Variants in TDRD6 observed in about 807,000 individuals in gnomAD.
TDRD6 encodes the protein tudor domain-containing protein 6.
TDRD6 carries 186 observed loss-of-function variants against 157.5 expected under a neutral mutation model. The ratio of observed to expected loss-of-function variants is 1.18; its 90% CI spans 1.05 to 1.33. TDRD6 has a LOEUF of 1.33. Ranked by LOEUF, TDRD6 falls within the 40% of genes most tolerant of loss-of-function variation. The pLI is 0.00. For missense variants in TDRD6, 3,066 were observed against 2,508.0 expected, an observed-to-expected ratio of 1.22 and a Z score of -4.75; for synonymous variants, 1,075 against 945.2, an observed-to-expected ratio of 1.14 and a Z score of -2.52.
At chr6:46,698,963 A>G (rs1280083244) in intron 3 of TDRD6, among the ~76,000 whole-genome samples, 1 of 152,190 alleles carries the variant, frequency 6.6e-6, no homozygotes. Context: ...CAGGTCTTCC[A>G]GGTACATAAG....
In TDRD6 at chr6:46,691,419, A is replaced by T. The variant is rs1349664766; in HGVS notation, c.3291A>T (p.Arg1097Ser). Reference protein sequence around the residue: ...DVLLLPMQAVRCSLSDIPDHI... With the variant: ...DVLLLPMQAVSCSLSDIPDHI... The stretch of plus-strand genomic sequence containing the variant: ...TACTTTTGCCCATGCAAGCTGTCAG[A>T]TGTTCATTATCTGATATTCCTGATC... Residue 1097 changes from arginine to serine, a missense_variant, in exon 1 of 4, where the codon AGA becomes AGT. Coordinates refer to ENST00000316081, the MANE Select transcript of TDRD6 (RefSeq NM_001010870.3). 2 of 1,614,060 alleles carry T rather than the reference A, an allele frequency of 1.2e-6. No individual in the cohort carries two copies. Among genetic ancestry groups the T allele is most frequent in the Non-Finnish European group, 1.7e-6 (2 of 1,179,958 alleles).
In TDRD6 at chr6:46,692,352, T is replaced by G. The variant is rs372296503; in HGVS notation, c.4224T>G (p.Asn1408Lys). 42 of 1,614,110 alleles carry G rather than the reference T, an allele frequency of 2.6e-5. No homozygotes were observed. The highest frequency in any genetic ancestry group is 3.4e-5 in the Non-Finnish European group (40 of 1,180,040). ...TNKIGRLDLV[N>K]AILPGLCIHC... ...AAATAGGTAGGCTTGACCTTGTTAA[T>G]GCAATATTGCCGGGGTTGTGCATTC... The change falls in exon 1 of 4, where the codon AAT becomes AAG. Residue 1408 changes from asparagine (N) to lysine (K), a missense_variant. Coordinates refer to ENST00000316081, the MANE Select transcript of TDRD6 (RefSeq NM_001010870.3).
rs867643913 is a variant in TDRD6, at chr6:46,689,200, A to C, written c.1072A>C (p.Ser358Arg). ...YGRKELVSCS[S>R]LRYLLPEYFR... ...AAGGAAGGAGTTAGTGAGTTGCAGC[A>C]GCCTTCGGTACTTGCTGCCTGAATA... Residue 358 changes from serine (S) to arginine (R), a missense_variant, in exon 1 of 4, where the codon AGC becomes CGC. Transcript: ENST00000316081. The C allele has an allele frequency of 1.9e-6, 3 of 1,614,176 alleles. No homozygotes were observed. Among genetic ancestry groups the C allele is most frequent in the African/African-American group, 2.7e-5 (2 of 75,048 alleles).
chr6:46,692,451 G>T lies in TDRD6; in HGVS notation c.4323G>T (p.Arg1441=). ...AAATGATGCATTACTTTTCCCAACG[G>T]ACCAGCGAGGCTGCAATAAGATGTG... is the stretch of plus-strand genomic sequence containing the variant. ...SKKMMHYFSQ[R]TSEAAIRCEF... is the part of the protein sequence containing the mutation. Residue 1441 remains arginine, a synonymous_variant, in exon 1 of 4, where the codon CGG becomes CGT. Coordinates refer to ENST00000316081, the MANE Select transcript of TDRD6 (RefSeq NM_001010870.3). The T allele has an allele frequency of 6.2e-7, 1 of 1,613,904 alleles. No homozygotes were observed. The highest frequency in any genetic ancestry group is 1.1e-5 in the South Asian group (1 of 91,060).
Position 46,687,982 on chromosome 6 carries a change from G to T in TDRD6, c.-147G>T. The T allele has an allele frequency of 7.8e-7, 1 of 1,287,264 alleles. No homozygotes were observed. Among genetic ancestry groups the T allele is most frequent in the Non-Finnish European group, 1.0e-6 (1 of 992,842 alleles). The allele number at this position is 1,287,264 out of a possible 1,614,324, so 79.7% of individuals were successfully genotyped here. On this transcript the variant is annotated 5_prime_UTR_variant, in exon 1 of 4. Coordinates refer to ENST00000316081, the MANE Select transcript of TDRD6 (RefSeq NM_001010870.3). ...GGACCCTCGACGGGGGAGTTGCCGA[G>T]AAAAGGCCTCGCCGGCATTCTTCCC...
Position 46,692,649 on chromosome 6 carries a change from T to G in TDRD6, c.4521T>G (p.Thr1507=). 3.7e-6 allele frequency: 6 copies of G among 1,613,486 alleles called. No individual in the cohort carries two copies. Among genetic ancestry groups the G allele is most frequent in the Non-Finnish European group, 5.1e-6 (6 of 1,179,858 alleles). The change falls in exon 1 of 4, where the codon ACT becomes ACG. Residue 1507 remains threonine, a synonymous_variant. Transcript: ENST00000316081. ...CTGTTAACAAATCAGACATTGACAC[T>G]TCAGTATTTCTTAACTGGTATAATC... ...SKSVNKSDID[T]SVFLNWYNPE...
Position 46,688,143 on chromosome 6 carries a change from C to T in TDRD6, c.15C>T (p.Pro5=). 1.3e-6 allele frequency: 2 copies of T among 1,540,042 alleles called. No homozygotes were observed. The highest frequency in any genetic ancestry group is 1.7e-6 in the Non-Finnish European group (2 of 1,150,014). Residue 5 remains proline (P), a synonymous_variant, in exon 1 of 4, where the codon CCC becomes CCT. Coordinates refer to ENST00000316081, the MANE Select transcript of TDRD6 (RefSeq NM_001010870.3). ...GCGCCGTCAAGATGTGCTCGACGCCCGGAATGCCGGCGCCGGGGGCCTCGC... is the reference window on the plus strand; with the variant it reads ...GCGCCGTCAAGATGTGCTCGACGCCTGGAATGCCGGCGCCGGGGGCCTCGC... MCST[P]GMPAPGASLA... is the part of the protein sequence containing the mutation.
At chr6:46,696,526 T>TATATGTA (rs1491326189) in intron 2 of TDRD6, among the ~76,000 whole-genome samples, 32 of 139,858 alleles carry the variant, frequency 2.3e-4, no homozygotes, top group African/African-American at 6.9e-4. Context: ...TATATGTGTG[T>TATATGTA]ATATATGTGT....
Position 46,688,637 on chromosome 6 carries a change from T to C in TDRD6, c.509T>C (p.Val170Ala). The C allele has an allele frequency of 6.3e-7, 1 of 1,599,242 alleles. No homozygotes were observed. The highest frequency in any genetic ancestry group is 8.5e-7 in the Non-Finnish European group (1 of 1,179,850). The change falls in exon 1 of 4, where the codon GTC becomes GCC. Residue 170 changes from valine to alanine, a missense_variant. Coordinates refer to ENST00000316081, the MANE Select transcript of TDRD6 (RefSeq NM_001010870.3). ...NLQGKEVHGC[V>A]LDVLLLHRLV... ...CAGGGCAAGGAGGTGCACGGGTGCGTCCTGGACGTGCTGCTGCTCCATCGC... is the reference window on the plus strand; with the variant it reads ...CAGGGCAAGGAGGTGCACGGGTGCGCCCTGGACGTGCTGCTGCTCCATCGC...
At position 46,692,473 on chromosome 6, in the gene TDRD6, T is replaced by C. The variant is rs759370185; in HGVS notation, c.4345T>C (p.Cys1449Arg). The C allele has an allele frequency of 5.0e-6, 8 of 1,613,898 alleles. No homozygotes were observed. Among genetic ancestry groups the C allele is most frequent in the South Asian group, 1.1e-5 (1 of 91,080 alleles). The change falls in exon 1 of 4, where the codon TGT (cysteine) becomes CGT (arginine). Residue 1449 changes from cysteine (C) to arginine (R), a missense_variant. Physicochemically the swap from Cys to Arg is radical, Grantham distance 180. Transcript: ENST00000316081. ...ACGGACCAGCGAGGCTGCAATAAGA[T>C]GTGAATTTGTTAAATTTCAAGACAG... is the stretch of plus-strand genomic sequence containing the variant. ...SQRTSEAAIR[C>R]EFVKFQDRWE...
rs747967687 is a variant in TDRD6, at chr6:46,695,884, C to G, written c.6110C>G (p.Ser2037Ter). The G allele has an allele frequency of 2.5e-6, 4 of 1,613,552 alleles. No individual in the cohort carries two copies. Among genetic ancestry groups the G allele is most frequent in the Non-Finnish European group, 1.7e-6 (2 of 1,179,698 alleles). The change falls in exon 2 of 4, where the codon TCA (serine) becomes TGA (stop). Residue 2037 changes from serine (S) to a stop codon, truncating the protein, a stop_gained. Transcript: ENST00000316081. LOFTEE classifies it high-confidence loss of function. ...FTVGSKCVVW[S>*]SLRNTWSKCE... is the part of the protein sequence containing the mutation. ...GTTGGATCTAAATGTGTTGTGTGGT[C>G]AAGTCTAAGAAACACATGGTCTAAA...
rs1479327685 is a variant in TDRD6 at position 46,691,245 on chromosome 6, G to T, written c.3117G>T (p.Leu1039Phe). ...CATCTCCCTTGAACCCTGGAACCTT[G>T]TGCCTTGCCAAGTATACTGATGGAA... is the stretch of plus-strand genomic sequence containing the variant. ...LKTSPLNPGT[L>F]CLAKYTDGNW... The change falls in exon 1 of 4, where the codon TTG (leucine) becomes TTT (phenylalanine). Residue 1039 changes from leucine (L) to phenylalanine (F), a missense_variant. Physicochemically the swap from Leu to Phe is conservative, Grantham distance 22. Transcript: ENST00000316081. 6.2e-7 allele frequency: 1 copy of T among 1,613,942 alleles called. No homozygotes were observed. Among genetic ancestry groups the T allele is most frequent in the Admixed American group, 1.7e-5 (1 of 59,994 alleles).
At chr6:46,685,620 G>A (rs1764071573), upstream of TDRD6, among the ~76,000 whole-genome samples, 1 of 152,058 alleles carries the variant, frequency 6.6e-6, no homozygotes, top group Non-Finnish European at 1.5e-5. Flanking sequence ...CTGTCAAGGG[G>A]TGGAAGGATA....
Position 46,702,016 on chromosome 6 carries a change from T to A in TDRD6, c.*129T>A. On this transcript the variant is annotated 3_prime_UTR_variant, in exon 4 of 4. Transcript: ENST00000316081. The stretch of plus-strand genomic sequence containing the variant: ...ACAAGAAGTTGTCATTTTCAAAAAC[T>A]TCTATATAGGTGGAAAACAAATTAG... 2 of 1,084,800 alleles carry A rather than the reference T, an allele frequency of 1.8e-6. No individual in the cohort carries two copies. Among genetic ancestry groups the A allele is most frequent in the Non-Finnish European group, 2.7e-6 (2 of 734,400 alleles). The allele number at this position is 1,084,800 out of a possible 1,614,324, so 67.2% of individuals were successfully genotyped here.
At chr6:46,686,515 T>G (rs76627373), upstream of TDRD6, among the ~76,000 whole-genome samples, 8,005 of 149,874 alleles carry the variant, frequency 0.053, 583 homozygotes, top group African/African-American at 0.17. Flanking sequence ...TTCTGCCAGG[T>G]TGAATAGTAG....
In TDRD6 at chr6:46,689,521, C is replaced by G; in HGVS notation, c.1393C>G (p.Pro465Ala). ...EEPETSQSQS[P>A]AEEVDEEISL... is the part of the protein sequence containing the mutation. ...ACCAGAAACATCTCAGTCTCAGTCTCCTGCTGAAGAAGTAGATGAAGAGAT... is the reference window on the plus strand; with the variant it reads ...ACCAGAAACATCTCAGTCTCAGTCTGCTGCTGAAGAAGTAGATGAAGAGAT... The change falls in exon 1 of 4, where the codon CCT (proline) becomes GCT (alanine). Residue 465 changes from proline to alanine, a missense_variant. Transcript: ENST00000316081. 1 of 1,614,042 alleles carries G rather than the reference C, an allele frequency of 6.2e-7. No individual in the cohort carries two copies. Among genetic ancestry groups the G allele is most frequent in the Non-Finnish European group, 8.5e-7 (1 of 1,180,028 alleles).
In TDRD6 at chr6:46,692,239, C is replaced by T. The variant is rs753604587; in HGVS notation, c.4111C>T (p.Arg1371Cys). The T allele has an allele frequency of 1.1e-5, 18 of 1,613,864 alleles. No homozygotes were observed. The highest frequency in any genetic ancestry group is 2.2e-5 in the East Asian group (1 of 44,890). The part of the protein sequence containing the change: ...AVFPEDNLWY[R>C]AVIKEQQPND... ...TTTCCCAGAAGATAATTTATGGTATCGTGCTGTGATCAAGGAGCAACAACC... is the reference window on the plus strand; with the variant it reads ...TTTCCCAGAAGATAATTTATGGTATTGTGCTGTGATCAAGGAGCAACAACC... The change falls in exon 1 of 4, where the codon CGT (arginine) becomes TGT (cysteine). Residue 1371 changes from arginine (R) to cysteine (C), a missense_variant. Coordinates refer to ENST00000316081, the MANE Select transcript of TDRD6 (RefSeq NM_001010870.3).
chr6:46,686,040 G>A (rs544882575), upstream of TDRD6, among the ~76,000 whole-genome samples: 36 of 152,218 alleles, frequency 2.4e-4, no homozygotes, highest in African/African-American at 8.4e-4. Flanking sequence ...GGTGGATGGG[G>A]GTAAAGGATT....
upstream of TDRD6, chr6:46,687,829 G>A: frequency 2.8e-6 from 1 of 351,482 alleles, no homozygotes; most frequent in South Asian, 4.8e-5. Context: ...CCAGGCCTCG[G>A]CTGGCCCCGC....
Sources: allele counts gnomAD v4.1 joint callset (sites outside exome capture counted in the v4.1 genomes callset), GRCh38; gene constraint gnomAD v4.1.1; transcripts MANE v1.5; gene names NCBI Gene and HGNC (gene_info 2026-07-23, HGNC 2026-07-21).